DHX36: variants seen among roughly 807,000 people sequenced by gnomAD.
The protein encoded by DHX36 is DEAH-box helicase 36, also known as ATP-dependent DNA/RNA helicase DHX36.
In DHX36, 50 loss-of-function variants were observed where a neutral mutation model predicts 139.0. That is an observed-to-expected ratio of 0.36 (90% CI 0.29 to 0.46). DHX36 has a LOEUF of 0.46. Ranked by LOEUF, DHX36 falls within the 20% of genes least tolerant of loss-of-function variation. DHX36 has a pLI of 1.00. For missense variants in DHX36, 1,024 were observed against 1,211.3 expected, an observed-to-expected ratio of 0.85 and a Z score of 2.29; for synonymous variants, 425 against 401.9, an observed-to-expected ratio of 1.06 and a Z score of -0.69.
At chr3:154,291,060 G>A (rs993697010) in intron 15 of DHX36, among the ~76,000 whole-genome samples, 8 of 144,786 alleles carry the variant, frequency 5.5e-5, no homozygotes, top group South Asian at 2.2e-4. Context: ...GCGTGAACCC[G>A]GGAGGCGGAG....
chr3:154,307,730 A>G (rs1363403972), intron 5 of DHX36, among the ~76,000 whole-genome samples: 1 of 152,102 alleles, frequency 6.6e-6, no homozygotes, highest in African/African-American at 2.4e-5. Flanking sequence ...AACTAAAAAT[A>G]GAGCTATCAT....
At chr3:154,279,440 T>C (rs1292002399) in intron 22 of DHX36, 1 of 152,222 alleles carries the variant, frequency 6.6e-6, no homozygotes, top group African/African-American at 2.4e-5. Context: ...TGACTCACTG[T>C]TAAGCTACCT....
Position 154,310,611 on chromosome 3 carries a change from T to C in DHX36, c.643-788A>G, listed in dbSNP as rs1045148071. Among the ~76,000 whole-genome samples the C allele has an allele frequency of 1.1e-4, 16 of 149,694 alleles. No individual in the cohort carries two copies. In the East Asian group the frequency reaches 1.8e-3, roughly 17 times the overall value. On this transcript the variant is annotated intron_variant, in intron 4 of 24. Transcript: ENST00000496811. ...TCCTGGCCAACATGGTGAAACCCCA[T>C]CTCTACTAAAAACACAAAAATTAGC... is the stretch of plus-strand genomic sequence containing the variant.
intron 9 of DHX36, among the ~76,000 whole-genome samples, chr3:154,301,877 A>C (rs1273855741): frequency 6.6e-6 from 1 of 152,018 alleles, no homozygotes; most frequent in Non-Finnish European, 1.5e-5. Context: ...CTCTGAGCTC[A>C]ACTAGAGGAC....
chr3:154,307,161 T>C (rs1288000295), intron 5 of DHX36, among the ~76,000 whole-genome samples: 1 of 152,070 alleles, frequency 6.6e-6, no homozygotes, highest in East Asian at 1.9e-4. Context: ...TACCTGAAAC[T>C]GAAACTACTA....
Position 154,292,639 on chromosome 3 carries a change from G to T in DHX36, c.1726C>A (p.His576Asn), listed in dbSNP as rs1300923973. Reference sequence around the variant, plus strand: ...CTGATATTGTTCTGAGTATCAAAATGCGTCTCTTTTATTTTTCCTCCATCT... The same window carrying T: ...CTGATATTGTTCTGAGTATCAAAATTCGTCTCTTTTATTTTTCCTCCATCT... ...VIDGGKIKET[H>N]FDTQNNISTM... Residue 576 changes from histidine to asparagine, a missense_variant, in exon 15 of 25, where the codon CAT (histidine) becomes AAT (asparagine). Physicochemically the swap from His to Asn is moderately conservative, Grantham distance 68. Coordinates refer to ENST00000496811, the MANE Select transcript of DHX36 (RefSeq NM_020865.3). 1.2e-6 allele frequency: 2 copies of T among 1,613,698 alleles called. No individual in the cohort carries two copies. Among genetic ancestry groups the T allele is most frequent in the Non-Finnish European group, 1.7e-6 (2 of 1,180,000 alleles).
chr3:154,301,216 A>C (rs1232865850), intron 9 of DHX36, 89 bp from the exon 10 acceptor site: 1 of 1,298,832 alleles, frequency 7.7e-7, no homozygotes, highest in East Asian at 2.4e-5. Flanking sequence ...AGGATTTTCA[A>C]AAAGGATTCC....
intron 12 of DHX36, 179 bp downstream of exon 12, chr3:154,299,659 T>A (rs778783286): frequency 8.1e-6 from 5 of 619,178 alleles, no homozygotes; most frequent in Non-Finnish European, 1.5e-5. Flanking sequence ...AGAGCCAATT[T>A]TATTAGGCAA....
chr3:154,305,649 C>T (rs1214512523), intron 6 of DHX36, among the ~76,000 whole-genome samples: 1 of 152,090 alleles, frequency 6.6e-6, no homozygotes, highest in Non-Finnish European at 1.5e-5. Context: ...CGCCGGTAGG[C>T]CCAGCTACTT....
At chr3:154,322,855 T>C (rs1023941759) in intron 1 of DHX36, among the ~76,000 whole-genome samples, 2 of 152,208 alleles carry the variant, frequency 1.3e-5, no homozygotes, top group Non-Finnish European at 2.9e-5. Context: ...TAAAGTTACT[T>C]AGACGTCCGT....
At chr3:154,315,496 A>AT in intron 2 of DHX36, among the ~76,000 whole-genome samples, 1 of 152,242 alleles carries the variant, frequency 6.6e-6, no homozygotes, top group Middle Eastern at 3.4e-3. Context: ...AGATTAAGTT[A>AT]TTCCTTGTGA....
intron 1 of DHX36, among the ~76,000 whole-genome samples, chr3:154,318,146 T>C (rs1713056256): frequency 6.6e-6 from 1 of 152,050 alleles, no homozygotes; most frequent in Non-Finnish European, 1.5e-5. Context: ...CTCAAATAAG[T>C]TTACATGGGT....
intron 3 of DHX36, among the ~76,000 whole-genome samples, chr3:154,313,750 T>C (rs1405215837): frequency 6.6e-6 from 1 of 152,132 alleles, no homozygotes; most frequent in Non-Finnish European, 1.5e-5. Context: ...AGAAAATTAA[T>C]GTTTATTAAA....
chr3:154,283,590 G>A (rs1357948117), intron 19 of DHX36, among the ~76,000 whole-genome samples: 2 of 151,070 alleles, frequency 1.3e-5, no homozygotes, highest in African/African-American at 4.9e-5. Context: ...CTATTAAACT[G>A]ACTTAAATGC....
Position 154,280,559 on chromosome 3 carries a change from T to C in DHX36, c.2567+20A>G, listed in dbSNP as rs765938551. 2 of 1,529,558 alleles carry C rather than the reference T, an allele frequency of 1.3e-6. No individual in the cohort carries two copies. The highest frequency in any genetic ancestry group is 1.4e-5 in the African/African-American group (1 of 72,774). The allele number at this position is 1,529,558 out of a possible 1,614,324, so 94.7% of individuals were successfully genotyped here. A position where few individuals can be genotyped will look rare whatever the true frequency, so the allele number is the denominator to read the frequency against. On this transcript the variant is annotated intron_variant, in intron 22 of 24. Coordinates refer to ENST00000496811, the MANE Select transcript of DHX36 (RefSeq NM_020865.3). Reference sequence around the variant, plus strand: ...TAAGAAGAGAATTACGAGTAATTAATAATAATCTTCAATGCTTACATTTTT... The same window carrying C: ...TAAGAAGAGAATTACGAGTAATTAACAATAATCTTCAATGCTTACATTTTT...
chr3:154,284,151 A>C (rs1236602015), intron 19 of DHX36, among the ~76,000 whole-genome samples: 8 of 152,138 alleles, frequency 5.3e-5, no homozygotes, highest in Admixed American at 3.9e-4. Context: ...TCAGTAATTT[A>C]CTCCTGATAC....
In DHX36 at chr3:154,315,070, A is replaced by AT; in HGVS notation, c.578dup (p.Asn193LysfsTer2). 1.9e-6 allele frequency: 3 copies of AT among 1,604,906 alleles called. No homozygotes were observed. The highest frequency in any genetic ancestry group is 1.1e-5 in the South Asian group (1 of 88,792). The stretch of plus-strand genomic sequence containing the variant: ...CCTGCATTTCAATATACCGAAGGTC[A>AT]TTTTTTTTCTTTTGTAAATCTTCCA... On this transcript the variant is annotated frameshift_variant, in exon 3 of 25. Coordinates refer to ENST00000496811, the MANE Select transcript of DHX36 (RefSeq NM_020865.3). LOFTEE classifies it high-confidence loss of function.
chr3:154,286,161 C>T (rs1318637095), intron 17 of DHX36, among the ~76,000 whole-genome samples: 2 of 83,732 alleles, frequency 2.4e-5, no homozygotes, highest in African/African-American at 9.8e-5. Flanking sequence ...AGAGCTTCCA[C>T]ACACCAAAAA....
Position 154,280,850 on chromosome 3 carries a change from T to C in DHX36, c.2389A>G (p.Met797Val). The change falls in exon 21 of 25, where the codon ATG (methionine) becomes GTG (valine). Residue 797 changes from methionine to valine, a missense_variant. Physicochemically the swap from Met to Val is conservative, Grantham distance 21. Coordinates refer to ENST00000496811, the MANE Select transcript of DHX36 (RefSeq NM_020865.3). ...SSNTLQMLHN[M>V]KGQFAEHLLG... is the part of the protein sequence containing the mutation. ...AGATGCTCAGCAAACTGTCCTTTCA[T>C]GTTATGCAGCATCTAGGGAGCAATG... 1 of 1,613,276 alleles carries C rather than the reference T, an allele frequency of 6.2e-7. No individual in the cohort carries two copies.
Sources: gnomAD v4.1 joint callset for allele counts (sites outside exome capture counted in the v4.1 genomes callset) on GRCh38, gnomAD v4.1.1 for gene constraint, MANE v1.5 for transcripts, NCBI Gene and HGNC (gene_info 2026-07-23, HGNC 2026-07-21) for gene names.